The following MDFIC2 variants were observed in gnomAD, a reference collection of about 807,000 sequenced individuals.
MDFIC2 encodes the protein MyoD family inhibitor domain containing 2.
chr3:70,257,505 G>A (rs528141937), intron 2 of MDFIC2, among the ~76,000 whole-genome samples: 1 of 152,152 alleles, frequency 6.6e-6, no homozygotes, highest in South Asian at 2.1e-4. Flanking sequence ...AAGAAGGGAA[G>A]AAGGAAGGAA....
At chr3:70,235,275 G>C (rs547852038) in intron 2 of MDFIC2, among the ~76,000 whole-genome samples, 147 of 152,104 alleles carry the variant, frequency 9.7e-4, no homozygotes, top group African/African-American at 3.4e-3. Flanking sequence ...CCTCCCTCTG[G>C]ATGCATTCTT....
chr3:70,220,771 T>C (rs1701454652), intron 2 of MDFIC2, among the ~76,000 whole-genome samples: 1 of 152,204 alleles, frequency 6.6e-6, no homozygotes, highest in Non-Finnish European at 1.5e-5. Flanking sequence ...CCCACCCTTA[T>C]GAAGATTTCA....
At chr3:70,210,978 A>G (rs1701337654) in intron 2 of MDFIC2, among the ~76,000 whole-genome samples, 1 of 152,148 alleles carries the variant, frequency 6.6e-6, no homozygotes, top group Non-Finnish European at 1.5e-5. Flanking sequence ...GACAGGAGCT[A>G]TTAATTTATT....
At chr3:70,264,798 C>T (rs1360949169) in intron 2 of MDFIC2, among the ~76,000 whole-genome samples, 1 of 152,168 alleles carries the variant, frequency 6.6e-6, no homozygotes, top group Non-Finnish European at 1.5e-5. Context: ...GCTATGGAAA[C>T]TCTTGGGTGT....
chr3:70,311,943 C>T lies in MDFIC2; in HGVS notation c.31G>A (p.Val11Ile). 2.5e-6 allele frequency: 1 copy of T among 397,766 alleles called. No homozygotes were observed. The highest frequency in any genetic ancestry group is 4.4e-6 in the Non-Finnish European group (1 of 225,604). The allele number at this position is 397,766 out of a possible 1,614,324, so 24.6% of individuals were successfully genotyped here. A position where few individuals can be genotyped will look rare whatever the true frequency, so the allele number is the denominator to read the frequency against. The change falls in exon 2 of 4, where the codon GTA becomes ATA. Residue 11 changes from valine (V) to isoleucine (I), a missense_variant. Val to Ile is a conservative substitution (Grantham distance 29). Transcript: ENST00000567252. ...TTTTCTAAATGCTCAGCTGTTCTTA[C>T]TTTTATCTTTTCCAGCTCAGTTTCT... is the stretch of plus-strand genomic sequence containing the variant. MSETELEKIK[V>I]RTAEHLENDK... is the part of the protein sequence containing the mutation.
chr3:70,223,149 C>G (rs1009468289), intron 2 of MDFIC2, among the ~76,000 whole-genome samples: 1 of 152,156 alleles, frequency 6.6e-6, no homozygotes, highest in African/African-American at 2.4e-5. Flanking sequence ...CTATACTACT[C>G]TTTACGTCTA....
At chr3:70,298,142 A>T (rs796438877) in intron 2 of MDFIC2, among the ~76,000 whole-genome samples, 1 of 152,146 alleles carries the variant, frequency 6.6e-6, no homozygotes, top group South Asian at 2.1e-4. Context: ...TTTGAAAATT[A>T]AAGTTAGATT....
intron 2 of MDFIC2, among the ~76,000 whole-genome samples, chr3:70,238,725 C>A (rs954480379): frequency 1.3e-5 from 2 of 151,986 alleles, no homozygotes; most frequent in Non-Finnish European, 1.5e-5. Flanking sequence ...TTGTTTGGGT[C>A]CCCATATTTA....
chr3:70,239,916 A>G (rs144956161), intron 2 of MDFIC2, among the ~76,000 whole-genome samples: 1 of 152,220 alleles, frequency 6.6e-6, no homozygotes, highest in African/African-American at 2.4e-5. Context: ...CGGACAAAAT[A>G]TTACTTTGTG....
At chr3:70,220,616 G>A (rs1701453491) in intron 2 of MDFIC2, among the ~76,000 whole-genome samples, 1 of 152,170 alleles carries the variant, frequency 6.6e-6, no homozygotes, top group African/African-American at 2.4e-5. Flanking sequence ...GTATGTTAGT[G>A]TGTTGAGGTG....
intron 2 of MDFIC2, among the ~76,000 whole-genome samples, chr3:70,243,384 G>A (rs1701679003): frequency 6.6e-6 from 1 of 152,114 alleles, no homozygotes; most frequent in Non-Finnish European, 1.5e-5. Flanking sequence ...GTAATGAATT[G>A]TATTATTTAA....
At chr3:70,235,509 A>G (rs1406350409) in intron 2 of MDFIC2, among the ~76,000 whole-genome samples, 1 of 152,222 alleles carries the variant, frequency 6.6e-6, no homozygotes, top group East Asian at 1.9e-4. Context: ...ACATGAATAC[A>G]TGGCTCTAAT....
At chr3:70,301,112 A>G (rs1340580112) in intron 2 of MDFIC2, among the ~76,000 whole-genome samples, 1 of 152,114 alleles carries the variant, frequency 6.6e-6, no homozygotes, top group Non-Finnish European at 1.5e-5. Context: ...TGGGTGATAA[A>G]GATTATTTAC....
Position 70,214,621 on chromosome 3 carries a change from T to TA in MDFIC2, c.89-7832dup, listed in dbSNP as rs35292113. Among the ~76,000 whole-genome samples the TA allele has an allele frequency of 2.4e-4, 36 of 150,336 alleles. No homozygotes were observed. The East Asian group carries it at 2.8e-3, about 11-fold the overall frequency. Reference sequence around the variant, plus strand: ...GCTGAAGTGGGCTTTTTTTTTTTTTTATCTAACTATTCTGGATAATTACTT... The same window carrying TA: ...GCTGAAGTGGGCTTTTTTTTTTTTTTAATCTAACTATTCTGGATAATTACTT... On this transcript the variant is annotated intron_variant, in intron 2 of 3. Coordinates refer to ENST00000567252, the MANE Select transcript of MDFIC2 (RefSeq NM_001364677.1).
chr3:70,266,109 C>T (rs1267321088), intron 2 of MDFIC2, among the ~76,000 whole-genome samples: 1 of 152,188 alleles, frequency 6.6e-6, no homozygotes, highest in Non-Finnish European at 1.5e-5. Context: ...GTCTCTCACA[C>T]TATTTTGGCT....
rs538696902 is a variant in MDFIC2, at chr3:70,233,144, G to A, written c.89-26354C>T. 1.1e-4 allele frequency among the ~76,000 whole-genome samples: 17 copies of A among 152,282 alleles called. No individual in the cohort carries two copies. In the East Asian group the frequency reaches 1.9e-3, roughly 17 times the overall value. On this transcript the variant is annotated intron_variant, in intron 2 of 3. Transcript: ENST00000567252. The stretch of plus-strand genomic sequence containing the variant: ...GCAGAGTTTGCAGTGAGCCAAGATC[G>A]CGCCACTGCATTCCAGCCTGGGCAA...
At chr3:70,298,738 T>C (rs937350336) in intron 2 of MDFIC2, among the ~76,000 whole-genome samples, 22 of 152,194 alleles carry the variant, frequency 1.4e-4, no homozygotes, top group African/African-American at 5.3e-4. Context: ...TTGTAATGAG[T>C]GCAGATGAGG....
chr3:70,206,840 G>A, intron 2 of MDFIC2, 50 bp from the exon 3 acceptor site: 1 of 396,600 alleles, frequency 2.5e-6, no homozygotes, highest in Non-Finnish European at 4.4e-6. Context: ...TGGTTTACGT[G>A]ACCTAGTGAC....
chr3:70,198,956 G>A (rs1275288990), intron 3 of MDFIC2, among the ~76,000 whole-genome samples: 1 of 152,098 alleles, frequency 6.6e-6, no homozygotes, highest in Non-Finnish European at 1.5e-5. Flanking sequence ...CAAAGATGAG[G>A]GACATACAAC....
Sources: gnomAD v4.1 joint callset for allele counts (sites outside exome capture counted in the v4.1 genomes callset) on GRCh38, gnomAD v4.1.1 for gene constraint, MANE v1.5 for transcripts, NCBI Gene and HGNC (gene_info 2026-07-23, HGNC 2026-07-21) for gene names.